Variants in EXOC4 observed in about 807,000 individuals in gnomAD.
EXOC4 encodes the protein SEC8-like 1.
In EXOC4, 71 loss-of-function variants were observed where a neutral mutation model predicts 107.2. That is an observed-to-expected ratio of 0.66 (90% confidence interval 0.55 to 0.81). The LOEUF (loss-of-function observed/expected upper bound fraction) is 0.81, where lower values mean the gene tolerates loss of function less well. Ranked by LOEUF, EXOC4 falls within the 30% of genes least tolerant of loss-of-function variation. EXOC4 has a pLI of 0.00. For missense variants in EXOC4, 1,108 were observed against 1,189.6 expected, an observed-to-expected ratio of 0.93 and a Z score of 1.01; for synonymous variants, 456 against 441.2, an observed-to-expected ratio of 1.03 and a Z score of -0.42.
chr7:133,514,039 G>A (rs767503439), intron 9 of EXOC4, among the ~76,000 whole-genome samples: 1 of 152,040 alleles, frequency 6.6e-6, no homozygotes, highest in Non-Finnish European at 1.5e-5. Flanking sequence ...TTTATTGTTT[G>A]TTATACTCAG....
At chr7:133,381,997 CACACTGAAGTTTG>C (rs1796629721) in intron 7 of EXOC4, among the ~76,000 whole-genome samples, 1 of 152,106 alleles carries the variant, frequency 6.6e-6, no homozygotes, top group Non-Finnish European at 1.5e-5. Context: ...GATTCTTATG[CACACTGAAGTTTG>C]AGGACCTTTG....
chr7:133,614,518 A>G (rs1321088958), intron 9 of EXOC4, among the ~76,000 whole-genome samples: 1 of 152,236 alleles, frequency 6.6e-6, no homozygotes, highest in African/African-American at 2.4e-5. Flanking sequence ...GTCTCTAATC[A>G]GGGAATCATA....
intron 2 of EXOC4, among the ~76,000 whole-genome samples, chr7:133,277,770 G>A (rs1312790548): frequency 2.6e-5 from 4 of 152,150 alleles, no homozygotes; most frequent in African/African-American, 4.8e-5. Flanking sequence ...AAAATAAAAG[G>A]GGGGAGAATG....
chr7:133,475,410 G>A lies in EXOC4; in HGVS notation c.1265G>A (p.Gly422Glu). The A allele has an allele frequency of 1.2e-6, 2 of 1,614,048 alleles. No individual in the cohort carries two copies. The highest frequency in any genetic ancestry group is 1.7e-6 in the Non-Finnish European group (2 of 1,179,960). ...PSAQLSYAST[G>E]REFAAFFAKK... ...GCTCAACTAAGCTATGCCAGCACTGGACGAGAGTTTGCAGCCTTTTTTGCC... is the reference window on the plus strand; with the variant it reads ...GCTCAACTAAGCTATGCCAGCACTGAACGAGAGTTTGCAGCCTTTTTTGCC... Residue 422 changes from glycine to glutamate, a missense_variant, in exon 8 of 18, where the codon GGA becomes GAA. Transcript: ENST00000253861.
At chr7:133,896,509 CAAG>C (rs1799311633) in intron 12 of EXOC4, among the ~76,000 whole-genome samples, 1 of 98,688 alleles carries the variant, frequency 1.0e-5, no homozygotes, top group Non-Finnish European at 1.9e-5. Flanking sequence ...GAACAAAAAA[CAAG>C]AAAGAGAAAG....
chr7:133,610,476 GTTTAT>G (rs1196509584), intron 9 of EXOC4, among the ~76,000 whole-genome samples: 1 of 152,066 alleles, frequency 6.6e-6, no homozygotes, highest in African/African-American at 2.4e-5. Flanking sequence ...GTTCCAACCT[GTTTAT>G]TTTAATACTG....
At chr7:133,317,162 G>A (rs1795007979) in intron 4 of EXOC4, 122 bp from the exon 5 acceptor site, 1 of 677,856 alleles carries the variant, frequency 1.5e-6, no homozygotes, top group African/African-American at 1.8e-5. Flanking sequence ...ATACTGGGGA[G>A]ATCCAGTTCC....
At chr7:133,500,696 A>G (rs1799559721) in intron 9 of EXOC4, among the ~76,000 whole-genome samples, 1 of 152,214 alleles carries the variant, frequency 6.6e-6, no homozygotes, top group Non-Finnish European at 1.5e-5. Context: ...TAACTTTTAA[A>G]GAAATTCCCA....
chr7:133,398,867 T>G (rs1266360409), intron 7 of EXOC4, among the ~76,000 whole-genome samples: 2 of 152,230 alleles, frequency 1.3e-5, no homozygotes, highest in African/African-American at 4.8e-5. Flanking sequence ...TTAGTATCTC[T>G]ACACTGATTA....
At chr7:133,416,343 T>C (rs1797474681) in intron 7 of EXOC4, among the ~76,000 whole-genome samples, 1 of 152,188 alleles carries the variant, frequency 6.6e-6, no homozygotes, top group Non-Finnish European at 1.5e-5. Flanking sequence ...AGCAACATAG[T>C]TCTGATTTAG....
intron 4 of EXOC4, among the ~76,000 whole-genome samples, chr7:133,314,014 TGTCA>T (rs1794934847): frequency 2.6e-5 from 4 of 152,308 alleles, no homozygotes; most frequent in South Asian, 2.1e-4. Context: ...GAAAAATAAC[TGTCA>T]GTATTTCCAA....
chr7:133,712,653 C>T (rs1794919710), intron 10 of EXOC4, among the ~76,000 whole-genome samples: 3 of 152,056 alleles, frequency 2.0e-5, no homozygotes, highest in African/African-American at 7.2e-5. Context: ...TACATATACA[C>T]ACACATTAAT....
chr7:133,534,014 C>T (rs1052620566), intron 9 of EXOC4, among the ~76,000 whole-genome samples: 2 of 152,136 alleles, frequency 1.3e-5, no homozygotes, highest in African/African-American at 4.8e-5. Context: ...GTCCACAAGG[C>T]ATTTGAGAAT....
chr7:133,894,339 T>G (rs1373115165), intron 11 of EXOC4, among the ~76,000 whole-genome samples: 1 of 121,236 alleles, frequency 8.2e-6, no homozygotes. Context: ...TCTAAATTTT[T>G]TTCAAAGTTT....
rs574036577 is a variant in EXOC4 at position 133,729,081 on chromosome 7, G to A, written c.1515-88244G>A. The stretch of plus-strand genomic sequence containing the variant: ...CAAATATTTGAATGACAGATCCATA[G>A]TTCTATTCTGTAGACTCTGTTGGTT... On this transcript the variant is annotated intron_variant, in intron 10 of 17. Coordinates refer to ENST00000253861, the MANE Select transcript of EXOC4 (RefSeq NM_021807.4). Among the ~76,000 whole-genome samples the A allele has an allele frequency of 2.0e-5, 3 of 152,232 alleles. No individual in the cohort carries two copies. The South Asian group carries it at 6.2e-4, about 32-fold the overall frequency.
chr7:133,372,827 T>C (rs1796407226), intron 6 of EXOC4, among the ~76,000 whole-genome samples: 1 of 152,240 alleles, frequency 6.6e-6, no homozygotes, highest in Non-Finnish European at 1.5e-5. Context: ...CCCCAATATT[T>C]ACCTTAACAT....
intron 9 of EXOC4, among the ~76,000 whole-genome samples, chr7:133,611,826 T>C (rs1802081843): frequency 6.6e-6 from 1 of 152,192 alleles, no homozygotes; most frequent in African/African-American, 2.4e-5. Flanking sequence ...TACAGAGATA[T>C]TAGGGTCTCT....
At chr7:133,418,215 T>G (rs1797523107) in intron 7 of EXOC4, among the ~76,000 whole-genome samples, 1 of 152,210 alleles carries the variant, frequency 6.6e-6, no homozygotes, top group Non-Finnish European at 1.5e-5. Flanking sequence ...AATCCCAGAC[T>G]CGACACTTTT....
intron 11 of EXOC4, among the ~76,000 whole-genome samples, chr7:133,833,769 T>C (rs903850015): frequency 5.9e-5 from 9 of 152,200 alleles, no homozygotes; most frequent in African/African-American, 2.2e-4. Context: ...TTTGCCATGT[T>C]GGCCATGCTG....
Sources: allele counts gnomAD v4.1 joint callset (sites outside exome capture counted in the v4.1 genomes callset), GRCh38; gene constraint gnomAD v4.1.1; transcripts MANE v1.5; gene names NCBI Gene and HGNC (gene_info 2026-07-23, HGNC 2026-07-21).